The following PXDNL variants were observed in gnomAD, a reference collection of about 807,000 sequenced individuals.
PXDNL encodes probable oxidoreductase PXDNL.
PXDNL carries 145 observed loss-of-function variants against 150.8 expected under a neutral mutation model. The ratio of observed to expected loss-of-function variants is 0.96; its 90% CI spans 0.84 to 1.10. The LOEUF is 1.10. PXDNL is among the 50% of genes least tolerant of loss of function. The probability of loss-of-function intolerance (pLI) is 0.00; values close to 1 mark genes in which losing one functional copy is unlikely to be tolerated. For synonymous variants in PXDNL, 757 were observed against 725.7 expected (o/e 1.04, Z -0.69); for missense variants, 2,087 against 1,873.9 (o/e 1.11, Z -2.10).
In PXDNL at chr8:51,701,014, C is replaced by G. The variant is rs543841354; in HGVS notation, c.165-46254G>C. 1.5e-3 allele frequency among the ~76,000 whole-genome samples: 235 copies of G among 151,926 alleles called. 1 individual carries two copies. The highest frequency in any genetic ancestry group is 5.5e-3 in the African/African-American group (227 of 41,404). ...ATACATACAGACACAGAGATGCACA[C>G]ACAGATACACACACATATACACACA... On this transcript the variant is annotated intron_variant, in intron 1 of 22. Transcript: ENST00000356297.
chr8:51,340,661 T>C (rs746253650), intron 20 of PXDNL, among the ~76,000 whole-genome samples: 2 of 152,178 alleles, frequency 1.3e-5, no homozygotes, highest in Non-Finnish European at 2.9e-5. Context: ...AGAGTTTACA[T>C]TAATCAGGGA....
chr8:51,583,928 G>A (rs535662622), intron 3 of PXDNL, among the ~76,000 whole-genome samples: 3 of 152,160 alleles, frequency 2.0e-5, no homozygotes, highest in Admixed American at 6.5e-5. Flanking sequence ...AAAGATAGAC[G>A]TATAGGAAGG....
chr8:51,645,405 C>T (rs1056220210), intron 2 of PXDNL, among the ~76,000 whole-genome samples: 1 of 152,136 alleles, frequency 6.6e-6, no homozygotes, highest in African/African-American at 2.4e-5. Context: ...ACCATCATAC[C>T]ATCAACGGAT....
At chr8:51,783,601 C>T (rs1373196309) in intron 1 of PXDNL, among the ~76,000 whole-genome samples, 2 of 152,084 alleles carry the variant, frequency 1.3e-5, no homozygotes, top group Non-Finnish European at 2.9e-5. Context: ...TATAACTAAA[C>T]CGTATAAAAA....
At chr8:51,463,646 A>G (rs1347989222) in intron 8 of PXDNL, among the ~76,000 whole-genome samples, 2 of 152,210 alleles carry the variant, frequency 1.3e-5, no homozygotes, top group East Asian at 1.9e-4. Context: ...ACTTTATCCA[A>G]TAATAACAGA....
chr8:51,367,081 C>CA (rs371478721), intron 19 of PXDNL, among the ~76,000 whole-genome samples: 144 of 113,758 alleles, frequency 1.3e-3, no homozygotes, highest in African/African-American at 4.6e-3. Flanking sequence ...AGCCTTGCGA[C>CA]AGAGCAAGAC....
chr8:51,697,437 A>T (rs1321037061), intron 1 of PXDNL, among the ~76,000 whole-genome samples: 1 of 152,146 alleles, frequency 6.6e-6, no homozygotes, highest in Non-Finnish European at 1.5e-5. Flanking sequence ...ATATAGTGTG[A>T]CAGGTCCCCA....
At chr8:51,377,197 T>A (rs537453972) in intron 17 of PXDNL, among the ~76,000 whole-genome samples, 1 of 151,306 alleles carries the variant, frequency 6.6e-6, no homozygotes, top group African/African-American at 2.4e-5. Flanking sequence ...GTTGATAACT[T>A]CCAGGTTTCC....
intron 1 of PXDNL, among the ~76,000 whole-genome samples, chr8:51,801,026 G>A (rs2129263317): frequency 6.6e-6 from 1 of 152,314 alleles, no homozygotes; most frequent in South Asian, 2.1e-4. Flanking sequence ...GGGCAGAATA[G>A]AACCATATTT....
intron 12 of PXDNL, among the ~76,000 whole-genome samples, chr8:51,446,627 T>TA: frequency 6.6e-6 from 1 of 152,274 alleles, no homozygotes; most frequent in African/African-American, 2.4e-5. Flanking sequence ...GTATTCCTAA[T>TA]ACCACTCAGC....
intron 1 of PXDNL, among the ~76,000 whole-genome samples, chr8:51,693,754 A>C (rs1816053156): frequency 6.6e-6 from 1 of 152,202 alleles, no homozygotes; most frequent in Non-Finnish European, 1.5e-5. Flanking sequence ...TGGGTGACAG[A>C]GCAAGACCCT....
intron 2 of PXDNL, among the ~76,000 whole-genome samples, chr8:51,646,849 C>T (rs1814930739): frequency 6.6e-6 from 1 of 152,046 alleles, no homozygotes; most frequent in Admixed American, 6.6e-5. Flanking sequence ...AAGAATCTGC[C>T]ACTGCCTGGG....
Position 51,511,934 on chromosome 8 carries a change from C to T in PXDNL, c.381-12164G>A, listed in dbSNP as rs552826155. Reference sequence around the variant, plus strand: ...CCTGAACCTGAATGCCCCCATCATCCAGCCAAGTTACTGGCTAAAAGACTT... The same window carrying T: ...CCTGAACCTGAATGCCCCCATCATCTAGCCAAGTTACTGGCTAAAAGACTT... On this transcript the variant is annotated intron_variant, in intron 4 of 22. Coordinates refer to ENST00000356297, the MANE Select transcript of PXDNL (RefSeq NM_144651.5). 9.8e-5 allele frequency among the ~76,000 whole-genome samples: 15 copies of T among 152,306 alleles called. No individual in the cohort carries two copies. In the South Asian group the frequency reaches 3.1e-3, roughly 32 times the overall value.
chr8:51,649,959 T>C (rs1267367132), intron 2 of PXDNL, among the ~76,000 whole-genome samples: 2 of 151,800 alleles, frequency 1.3e-5, no homozygotes, highest in Non-Finnish European at 2.9e-5. Context: ...AAAAATTGGC[T>C]AGGTGTGCTG....
At chr8:51,502,524 G>A (rs1284252928) in intron 4 of PXDNL, among the ~76,000 whole-genome samples, 3 of 152,094 alleles carry the variant, frequency 2.0e-5, no homozygotes, top group Admixed American at 6.6e-5. Context: ...CTTAACTGGA[G>A]GCAAGCATCA....
chr8:51,376,017 C>A (rs1417155841), intron 17 of PXDNL, among the ~76,000 whole-genome samples: 2 of 152,228 alleles, frequency 1.3e-5, no homozygotes, highest in East Asian at 1.9e-4. Context: ...TGTGCAAGAG[C>A]TAGAATTCTG....
At chr8:51,477,178 T>C (rs1399250159) in intron 6 of PXDNL, among the ~76,000 whole-genome samples, 2 of 152,238 alleles carry the variant, frequency 1.3e-5, no homozygotes, top group African/African-American at 4.8e-5. Flanking sequence ...AAATGTTTTG[T>C]AGATACCCAA....
At chr8:51,562,239 CTA>C (rs1250796928) in intron 3 of PXDNL, among the ~76,000 whole-genome samples, 33 of 151,766 alleles carry the variant, frequency 2.2e-4, no homozygotes, top group African/African-American at 7.7e-4. Context: ...ATATTTTGTG[CTA>C]TCTTTTTTTA....
At chr8:51,359,375 G>C (rs942038233) in intron 19 of PXDNL, among the ~76,000 whole-genome samples, 1 of 152,212 alleles carries the variant, frequency 6.6e-6, no homozygotes, top group Admixed American at 6.5e-5. Flanking sequence ...GAACTAAGAA[G>C]TTAAATAGAT....
Sources: gnomAD v4.1 joint callset for allele counts (sites outside exome capture counted in the v4.1 genomes callset) on GRCh38, gnomAD v4.1.1 for gene constraint, MANE v1.5 for transcripts, NCBI Gene and HGNC (gene_info 2026-07-23, HGNC 2026-07-21) for gene names.